Variants in RARB observed in about 807,000 individuals in gnomAD.
The protein encoded by RARB is HBV-activated protein.
Under a neutral mutation model 51.9 loss-of-function variants are expected in RARB, and 17 were observed. That is an observed-to-expected ratio of 0.33 (90% CI 0.22 to 0.49). The LOEUF (loss-of-function observed/expected upper bound fraction) is 0.49, where lower values mean the gene tolerates loss of function less well. Among genes scored for constraint, RARB ranks in the 20% least tolerant of loss-of-function variants. RARB has a pLI of 0.99. For synonymous variants in RARB, 215 were observed against 195.4 expected, an observed-to-expected ratio of 1.10 and a Z score of -0.84; for missense variants, 369 against 550.8, an observed-to-expected ratio of 0.67 and a Z score of 3.30.
intron 3 of RARB, among the ~76,000 whole-genome samples, chr3:25,517,839 T>C (rs1010593237): frequency 6.6e-6 from 1 of 152,198 alleles, no homozygotes; most frequent in East Asian, 1.9e-4. Flanking sequence ...TGATATATGG[T>C]ACGACATGGA....
chr3:25,576,285 G>A (rs1189006739), intron 4 of RARB, among the ~76,000 whole-genome samples: 3 of 152,144 alleles, frequency 2.0e-5, no homozygotes, highest in African/African-American at 4.8e-5. Context: ...AGAAGGTGGT[G>A]CCTAGCTGCT....
chr3:24,882,196 T>C (rs951674635), intron 2 of RARB, among the ~76,000 whole-genome samples: 6 of 152,210 alleles, frequency 3.9e-5, no homozygotes, highest in Non-Finnish European at 7.3e-5. Context: ...AAAGAAGATA[T>C]AGCAGAACAA....
intron 5 of RARB, among the ~76,000 whole-genome samples, chr3:25,307,290 G>C (rs1704175792): frequency 6.6e-6 from 1 of 151,954 alleles, no homozygotes; most frequent in Non-Finnish European, 1.5e-5. Flanking sequence ...AGGAAGCTGA[G>C]GCACAAGAAT....
intron 2 of RARB, among the ~76,000 whole-genome samples, chr3:25,007,796 A>G (rs1697308502): frequency 6.6e-6 from 1 of 151,930 alleles, no homozygotes; most frequent in South Asian, 2.1e-4. Context: ...TGCAACACTG[A>G]AAGCTCTGGA....
At chr3:25,515,513 G>T (rs140378696) in intron 3 of RARB, among the ~76,000 whole-genome samples, 2 of 152,130 alleles carry the variant, frequency 1.3e-5, no homozygotes, top group Non-Finnish European at 2.9e-5. Context: ...ATCCTGGGGG[G>T]GAGGGGGAAC....
At chr3:24,933,145 A>T (rs1695475966) in intron 2 of RARB, among the ~76,000 whole-genome samples, 1 of 152,124 alleles carries the variant, frequency 6.6e-6, no homozygotes, top group South Asian at 2.1e-4. Flanking sequence ...TGTAATATGA[A>T]TCTTTTTAAA....
chr3:25,569,354 A>G (rs1161911575), intron 3 of RARB, among the ~76,000 whole-genome samples: 1 of 152,226 alleles, frequency 6.6e-6, no homozygotes, highest in Non-Finnish European at 1.5e-5. Context: ...ATTATGAAGT[A>G]ACGGGGCTTT....
intron 5 of RARB, among the ~76,000 whole-genome samples, chr3:25,408,479 C>T (rs760413652): frequency 1.3e-5 from 2 of 152,084 alleles, no homozygotes; most frequent in African/African-American, 2.4e-5. Context: ...AGGGGGAAAT[C>T]CACCCCTATA....
chr3:25,332,456 C>T (rs1575319089), intron 5 of RARB, among the ~76,000 whole-genome samples: 2 of 152,164 alleles, frequency 1.3e-5, no homozygotes, highest in East Asian at 3.8e-4. Context: ...GCAGAAAAGG[C>T]CTTTGACAGA....
intron 3 of RARB, among the ~76,000 whole-genome samples, chr3:25,557,749 C>T (rs933278658): frequency 2.6e-5 from 4 of 152,112 alleles, no homozygotes; most frequent in African/African-American, 7.2e-5. Flanking sequence ...AACAGTGACT[C>T]GTCTAAACAG....
chr3:25,107,196 C>T lies in RARB; in HGVS notation c.-327-24965C>T, dbSNP rs985619809. Among the ~76,000 whole-genome samples, 114 of 152,290 alleles carry T rather than the reference C, an allele frequency of 7.5e-4. 1 individual carries two copies. The highest frequency in any genetic ancestry group is 6.2e-4 in the South Asian group (3 of 4,832). On this transcript the variant is annotated intron_variant, in intron 3 of 11. Coordinates refer to the RARB transcript ENST00000383772. Reference sequence around the variant, plus strand: ...GATTACAGGCATTAGCCACTGCACCCAGCCCCTTCTGCCTTTTCCTTTGCC... The same window carrying T: ...GATTACAGGCATTAGCCACTGCACCTAGCCCCTTCTGCCTTTTCCTTTGCC...
chr3:25,572,841 C>T lies in RARB; in HGVS notation c.609+2923C>T, dbSNP rs375028708. Among the ~76,000 whole-genome samples the T allele has an allele frequency of 2.0e-5, 3 of 152,234 alleles. No homozygotes were observed. The East Asian group carries it at 5.8e-4, about 29-fold the overall frequency. ...TCCTCCAGGTGGTATCTTAGCATAG[C>T]CAAGTCAATCCCCAGACCCTGACTC... On this transcript the variant is annotated intron_variant, in intron 4 of 7. Transcript: ENST00000330688.
At chr3:24,897,351 A>C (rs1703498134) in intron 2 of RARB, among the ~76,000 whole-genome samples, 1 of 152,180 alleles carries the variant, frequency 6.6e-6, no homozygotes, top group Admixed American at 6.5e-5. Context: ...TTTGGACAGC[A>C]TGTGTAGTGT....
intron 2 of RARB, among the ~76,000 whole-genome samples, chr3:24,944,600 T>C (rs928742897): frequency 1.2e-4 from 18 of 152,228 alleles, no homozygotes; most frequent in African/African-American, 4.1e-4. Context: ...CATTCAGTCA[T>C]ATAGAGTGTG....
intron 5 of RARB, among the ~76,000 whole-genome samples, chr3:25,341,350 T>G (rs1000795591): frequency 6.6e-6 from 1 of 152,134 alleles, no homozygotes; most frequent in African/African-American, 2.4e-5. Context: ...GAAATAGCAT[T>G]ATATATGTTT....
intron 5 of RARB, among the ~76,000 whole-genome samples, chr3:25,400,502 A>G (rs184160957): frequency 2.0e-5 from 3 of 152,292 alleles, no homozygotes; most frequent in East Asian, 1.9e-4. Context: ...GAAGGTCTCA[A>G]TATTCTCAAT....
chr3:25,224,735 G>T (rs564857461), intron 5 of RARB, among the ~76,000 whole-genome samples: 8 of 152,046 alleles, frequency 5.3e-5, no homozygotes, highest in South Asian at 2.1e-4. Flanking sequence ...AGCCTCCCAA[G>T]TAGATGAGAC....
intron 2 of RARB, among the ~76,000 whole-genome samples, chr3:24,980,745 C>T (rs2125425455): frequency 6.6e-6 from 1 of 152,218 alleles, no homozygotes; most frequent in East Asian, 1.9e-4. Flanking sequence ...GTTATTCTGA[C>T]CTTCTGAAGC....
At chr3:24,966,110 T>TG (rs1432025177) in intron 2 of RARB, among the ~76,000 whole-genome samples, 20 of 35,106 alleles carry the variant, frequency 5.7e-4, no homozygotes, top group East Asian at 4.3e-3. Context: ...TTTTTTTTTT[T>TG]TGGTTATTTT....
Sources: gnomAD v4.1 joint callset for allele counts (sites outside exome capture counted in the v4.1 genomes callset) on GRCh38, gnomAD v4.1.1 for gene constraint, MANE v1.5 for transcripts, NCBI Gene and HGNC (gene_info 2026-07-23, HGNC 2026-07-21) for gene names.